Variants in PRR14L observed in about 807,000 individuals in gnomAD.
PRR14L encodes protein PRR14L.
Under a neutral mutation model 155.0 loss-of-function variants are expected in PRR14L, and 80 were observed. The observed-to-expected ratio is 0.52, with a 90% CI of 0.43 to 0.62. The LOEUF is 0.62. Ranked by LOEUF, PRR14L falls within the 20% of genes least tolerant of loss-of-function variation. The pLI, the probability that PRR14L is intolerant of heterozygous loss-of-function variation, is 0.00. For synonymous variants in PRR14L, 883 were observed against 916.0 expected (o/e 0.96, Z 0.65); for missense variants, 2,469 against 2,548.0 (o/e 0.97, Z 0.67).
chr22:31,690,936 G>A (rs988707367), intron 7 of PRR14L, among the ~76,000 whole-genome samples: 2 of 144,208 alleles, frequency 1.4e-5, no homozygotes, highest in African/African-American at 2.6e-5. Flanking sequence ...CACCATGCCC[G>A]GCCTCCAGCT....
At position 31,712,535 on chromosome 22, in the gene PRR14L, CAAG is replaced by C. The variant is rs770914419; in HGVS notation, c.5301_5303del (p.Phe1767del). 159 of 1,551,642 alleles carry C rather than the reference CAAG, an allele frequency of 1.0e-4. 2 individuals are homozygous for C. The South Asian group carries it at 1.5e-3, about 15-fold the overall frequency. On this transcript the variant is annotated inframe_deletion, in exon 4 of 9. Transcript: ENST00000327423. ...TTGCCATCCCAGGGCAACCGTGGGACAAGAAGAAAGAAAAGGTCCACTTGGGAG... is the reference window on the plus strand; with the variant it reads ...TTGCCATCCCAGGGCAACCGTGGGACAAGAAAGAAAAGGTCCACTTGGGAG...
chr22:31,734,865 C>T (rs980366012), intron 2 of PRR14L, among the ~76,000 whole-genome samples: 4 of 152,208 alleles, frequency 2.6e-5, no homozygotes, highest in African/African-American at 7.2e-5. Flanking sequence ...AGCATGACCA[C>T]CACTTCTCAG....
Position 31,712,145 on chromosome 22 carries a change from G to T in PRR14L, c.5694C>A (p.Phe1898Leu). The T allele has an allele frequency of 6.2e-7, 1 of 1,614,058 alleles. No homozygotes were observed. Among genetic ancestry groups the T allele is most frequent in the Non-Finnish European group, 8.5e-7 (1 of 1,179,992 alleles). Reference sequence around the variant, plus strand: ...GAGGGGAATGAAGAGAAGAGATTTCGAAGGAGCAGACAGAAGGACCATGCT... The same window carrying T: ...GAGGGGAATGAAGAGAAGAGATTTCTAAGGAGCAGACAGAAGGACCATGCT... ...WSQHGPSVCS[F>L]EISSLHSPHC... is the part of the protein sequence containing the mutation. The change falls in exon 4 of 9, where the codon TTC becomes TTA. Residue 1898 changes from phenylalanine (F) to leucine (L), a missense_variant. Phe to Leu is a conservative substitution (Grantham distance 22). Around this residue, in one of 2 missense-constraint regions of PRR14L, gnomAD observed 2,363 missense variants for 2,371.6 expected, o/e 1.00. Transcript: ENST00000327423.
chr22:31,737,887 T>TA (rs368814796), intron 2 of PRR14L, among the ~76,000 whole-genome samples: 26 of 151,988 alleles, frequency 1.7e-4, no homozygotes, highest in African/African-American at 6.0e-4. Context: ...TGGTGGCTTA[T>TA]ACCATAATCA....
chr22:31,741,620 C>A lies in PRR14L; in HGVS notation c.-51-2709G>T, dbSNP rs188837921. ...GGTGCGGTGGCTCATGCCTATAATCCCAGCACTTTGGGAGGCCCAGGCAGG... is the reference window on the plus strand; with the variant it reads ...GGTGCGGTGGCTCATGCCTATAATCACAGCACTTTGGGAGGCCCAGGCAGG... On this transcript the variant is annotated intron_variant, in intron 1 of 8. Coordinates refer to ENST00000327423, the MANE Select transcript of PRR14L (RefSeq NM_173566.3). 1.3e-3 allele frequency among the ~76,000 whole-genome samples: 197 copies of A among 152,242 alleles called. 2 individuals are homozygous for A. The Middle Eastern group carries it at 0.024, about 18-fold the overall frequency.
chr22:31,703,230 G>A (rs17761365), intron 6 of PRR14L, among the ~76,000 whole-genome samples: 3,804 of 152,288 alleles, frequency 0.025, 49 homozygotes, highest in Non-Finnish European at 0.037. Flanking sequence ...GACAACAGAC[G>A]TTGCAAAATT....
chr22:31,694,131 GC>G (rs1454253427), intron 7 of PRR14L, among the ~76,000 whole-genome samples: 5 of 152,038 alleles, frequency 3.3e-5, no homozygotes, highest in African/African-American at 1.2e-4. Flanking sequence ...ACAAAAATTA[GC>G]CGATGTGGTA....
In PRR14L at chr22:31,684,529, A is replaced by G. The variant is rs561481306; in HGVS notation, c.*998T>C. The G allele has an allele frequency of 6.6e-6, 1 of 152,326 alleles. No individual in the cohort carries two copies. The highest frequency in any genetic ancestry group is 2.1e-4 in the South Asian group (1 of 4,826). 9.4% of individuals were successfully genotyped at this position (152,326 alleles called of 1,614,324 possible). A position where few individuals can be genotyped will look rare whatever the true frequency, so the allele number is the denominator to read the frequency against. ...GTAGTTTTTCAATGATCGGGAGAGA[A>G]ACCTGCTCTTACTTAAATCACTAAA... is the stretch of plus-strand genomic sequence containing the variant. On this transcript the variant is annotated 3_prime_UTR_variant, in exon 9 of 9. Transcript: ENST00000327423.
At position 31,692,323 on chromosome 22, in the gene PRR14L, C is replaced by G. The variant is rs541288216; in HGVS notation, c.6108-4096G>C. ...GGGTTTGAGTTTCTCCACACCCTTA[C>G]TACACTTATTTTCTGTTTTATTGTT... On this transcript the variant is annotated intron_variant, in intron 7 of 8. Coordinates refer to ENST00000327423, the MANE Select transcript of PRR14L (RefSeq NM_173566.3). Among the ~76,000 whole-genome samples, 7 of 152,042 alleles carry G rather than the reference C, an allele frequency of 4.6e-5. No individual in the cohort carries two copies. In the South Asian group the frequency reaches 1.4e-3, roughly 31 times the overall value.
intron 8 of PRR14L, 147 bp downstream of exon 8, chr22:31,688,009 G>A (rs1354183551): frequency 1.4e-6 from 1 of 722,330 alleles, no homozygotes; most frequent in Non-Finnish European, 2.1e-6. Flanking sequence ...TCCAGCCTGG[G>A]CGACAGAGAC....
chr22:31,697,793 GA>G (rs2074542608), intron 7 of PRR14L, among the ~76,000 whole-genome samples: 1 of 152,044 alleles, frequency 6.6e-6, no homozygotes, highest in African/African-American at 2.4e-5. Flanking sequence ...CTGAGCCCAG[GA>G]AGTTGAAGTT....
chr22:31,696,998 C>A (rs1289045174), intron 7 of PRR14L, among the ~76,000 whole-genome samples: 2 of 152,114 alleles, frequency 1.3e-5, no homozygotes, highest in African/African-American at 4.8e-5. Context: ...GCCTGTGATA[C>A]CAGCTACGCG....
intron 6 of PRR14L, among the ~76,000 whole-genome samples, chr22:31,702,679 C>A (rs1382113318): frequency 6.6e-6 from 1 of 151,966 alleles, no homozygotes; most frequent in Non-Finnish European, 1.5e-5. Flanking sequence ...CCACATTTGG[C>A]TAATTTTTGT....
intron 2 of PRR14L, among the ~76,000 whole-genome samples, chr22:31,731,724 G>A (rs1437494520): frequency 2.0e-5 from 3 of 151,948 alleles, no homozygotes; most frequent in African/African-American, 7.2e-5. Flanking sequence ...CCCAATCCTA[G>A]AACACATATA....
intron 6 of PRR14L, 142 bp downstream of exon 6, chr22:31,703,408 A>G: frequency 1.4e-6 from 1 of 708,322 alleles, no homozygotes; most frequent in Non-Finnish European, 2.3e-6. Flanking sequence ...CTCCTGGCTT[A>G]GTACTCTCCA....
rs543103538 is a variant in PRR14L at position 31,714,546 on chromosome 22, C to T, written c.3293G>A (p.Arg1098Gln). ...TGTATGTGCAGCATCCAGTTCTCTC[C>T]GAGACAAGGTACTCCTGGAGTCCTC... Reference protein sequence around the residue: ...FQEDSRSTLSRRELDAAHTGT... With the variant: ...FQEDSRSTLSQRELDAAHTGT... The change falls in exon 4 of 9, where the codon CGG becomes CAG. Residue 1098 changes from arginine to glutamine, a missense_variant. Coordinates refer to ENST00000327423, the MANE Select transcript of PRR14L (RefSeq NM_173566.3). 179 of 1,552,014 alleles carry T rather than the reference C, an allele frequency of 1.2e-4. No individual in the cohort carries two copies. The East Asian group carries it at 2.9e-3, about 25-fold the overall frequency.
intron 2 of PRR14L, among the ~76,000 whole-genome samples, chr22:31,729,388 T>C (rs1171275883): frequency 2.6e-5 from 4 of 152,090 alleles, no homozygotes; most frequent in East Asian, 1.9e-4. Context: ...ATTTTTTGTG[T>C]GTGTATTTTT....
intron 7 of PRR14L, among the ~76,000 whole-genome samples, chr22:31,699,469 T>C (rs1168480281): frequency 6.6e-6 from 1 of 152,192 alleles, no homozygotes; most frequent in Non-Finnish European, 1.5e-5. Context: ...AAAGGTTATG[T>C]TCAAAGGGAA....
chr22:31,717,871 C>G (rs1037566793), intron 3 of PRR14L, among the ~76,000 whole-genome samples: 1 of 151,974 alleles, frequency 6.6e-6, no homozygotes, highest in African/African-American at 2.4e-5. Flanking sequence ...GCAATTTTCC[C>G]GCCTCAGCCT....
Sources: allele counts gnomAD v4.1 joint callset (sites outside exome capture counted in the v4.1 genomes callset), GRCh38; gene constraint gnomAD v4.1.1; regional missense constraint gnomAD v4.1.1; transcripts MANE v1.5; gene names NCBI Gene and HGNC (gene_info 2026-07-23, HGNC 2026-07-21).